The following SEMA5A variants were observed in gnomAD, a reference collection of about 807,000 sequenced individuals.
The protein encoded by SEMA5A is semaphorin 5A.
SEMA5A carries 55 observed loss-of-function variants against 135.5 expected under a neutral mutation model. The observed-to-expected ratio is 0.41, with a 90% CI of 0.33 to 0.51. The LOEUF (loss-of-function observed/expected upper bound fraction) is 0.51. Ranked by LOEUF, SEMA5A falls within the 20% of genes least tolerant of loss-of-function variation. SEMA5A has a pLI of 0.37. For missense variants in SEMA5A, 1,290 were observed against 1,419.9 expected (o/e 0.91, Z 1.47); for synonymous variants, 580 against 546.5 (o/e 1.06, Z -0.85).
intron 8 of SEMA5A, among the ~76,000 whole-genome samples, chr5:9,215,612 C>T (rs1746575866): frequency 6.6e-6 from 1 of 152,142 alleles, no homozygotes; most frequent in Non-Finnish European, 1.5e-5. Context: ...TTTCTCCCCT[C>T]AAGGACTTGG....
chr5:9,384,050 T>A (rs1011740042), intron 2 of SEMA5A, among the ~76,000 whole-genome samples: 17 of 152,218 alleles, frequency 1.1e-4, no homozygotes, highest in African/African-American at 3.6e-4. Flanking sequence ...TTGAGGTTTA[T>A]AATTTTCAGA....
chr5:9,275,733 C>T (rs894542682), intron 5 of SEMA5A, among the ~76,000 whole-genome samples: 1 of 152,156 alleles, frequency 6.6e-6, no homozygotes, highest in African/African-American at 2.4e-5. Flanking sequence ...TGAGAAAAAA[C>T]ACATGATTAT....
chr5:9,205,532 G>A (rs1225120466), intron 8 of SEMA5A, among the ~76,000 whole-genome samples: 1 of 152,066 alleles, frequency 6.6e-6, no homozygotes, highest in Admixed American at 6.5e-5. Context: ...GGAGAAGACT[G>A]AGCAATGGCA....
intron 5 of SEMA5A, among the ~76,000 whole-genome samples, chr5:9,271,717 C>G (rs2150541451): frequency 6.6e-6 from 1 of 152,220 alleles, no homozygotes; most frequent in East Asian, 1.9e-4. Flanking sequence ...GGGTGCAACC[C>G]AAGGAGGGCA....
intron 1 of SEMA5A, among the ~76,000 whole-genome samples, chr5:9,543,495 A>G (rs1738205377): frequency 6.6e-6 from 1 of 152,186 alleles, no homozygotes; most frequent in African/African-American, 2.4e-5. Context: ...AAGCTTTACC[A>G]CCCAGGAGGC....
At chr5:9,377,542 A>G (rs914730499) in intron 3 of SEMA5A, among the ~76,000 whole-genome samples, 2 of 152,116 alleles carry the variant, frequency 1.3e-5, no homozygotes, top group African/African-American at 4.8e-5. Flanking sequence ...GCGAGGACAA[A>G]AAAAAAAGAG....
chr5:9,282,684 G>C (rs1047436463), intron 5 of SEMA5A, among the ~76,000 whole-genome samples: 14 of 152,070 alleles, frequency 9.2e-5, no homozygotes, highest in Non-Finnish European at 1.5e-4. Context: ...CGGATAAAGG[G>C]ACCCCCAAAC....
At position 9,235,980 on chromosome 5, in the gene SEMA5A, G is replaced by A. The variant is rs556969611; in HGVS notation, c.333+1848C>T. ...AGCAAATGAAGGGGAAGCAAGACAC[G>A]TCTTACATGGCAGCAGGCAAGAGAG... On this transcript the variant is annotated intron_variant, in intron 6 of 22. Coordinates refer to ENST00000382496, the MANE Select transcript of SEMA5A (RefSeq NM_003966.3). 5.3e-5 allele frequency among the ~76,000 whole-genome samples: 8 copies of A among 152,242 alleles called. No homozygotes were observed. In the South Asian group the frequency reaches 1.0e-3, roughly 20 times the overall value.
rs146756832 is a variant in SEMA5A, at chr5:9,296,810, C to T, written c.270+21562G>A. On this transcript the variant is annotated intron_variant, in intron 5 of 22. Transcript: ENST00000382496. ...CAATTTTTAAATTTCAGGATTTGTA[C>T]AGGCAGTAGTAACAGGCAGGAAAGG... 3.7e-4 allele frequency among the ~76,000 whole-genome samples: 54 copies of T among 147,772 alleles called. 1 individual carries two copies. The East Asian group carries it at 9.4e-3, about 26-fold the overall frequency.
chr5:9,432,944 T>C (rs1157872408), intron 2 of SEMA5A, among the ~76,000 whole-genome samples: 2 of 152,212 alleles, frequency 1.3e-5, no homozygotes, highest in African/African-American at 2.4e-5. Context: ...AATATAGTCA[T>C]AGGTTATATA....
At chr5:9,237,202 T>C (rs990800815) in intron 6 of SEMA5A, among the ~76,000 whole-genome samples, 3 of 152,178 alleles carry the variant, frequency 2.0e-5, no homozygotes, top group African/African-American at 4.8e-5. Flanking sequence ...AAGTTGATCA[T>C]GAATAATTTT....
intron 17 of SEMA5A, among the ~76,000 whole-genome samples, chr5:9,066,126 A>G: frequency 6.6e-6 from 1 of 152,240 alleles, no homozygotes; most frequent in African/African-American, 2.4e-5. Context: ...CTTCCCCAGT[A>G]CATTTTCTGA....
rs577756646 is a variant in SEMA5A, at chr5:9,066,445, C to G, written c.2275G>C (p.Gly759Arg). ...RIEMRYCSSD[G>R]TSGCSTDGLS... ...CCATCTGTGGAGCAGCCACTGGTGC[C>G]GTCGCTAGAACAGTACCGCATTTCG... Residue 759 changes from glycine to arginine, a missense_variant, in exon 17 of 23, where the codon GGC (glycine) becomes CGC (arginine). Around this residue, in one of 3 missense-constraint regions of SEMA5A, gnomAD observed 1,029 missense variants for 1,086.6 expected, o/e 0.95. Transcript: ENST00000382496. The G allele has an allele frequency of 6.2e-7, 1 of 1,614,198 alleles. No homozygotes were observed. Among genetic ancestry groups the G allele is most frequent in the Non-Finnish European group, 8.5e-7 (1 of 1,180,018 alleles).
intron 15 of SEMA5A, among the ~76,000 whole-genome samples, chr5:9,113,042 G>A (rs1352594193): frequency 6.6e-6 from 1 of 152,160 alleles, no homozygotes; most frequent in Non-Finnish European, 1.5e-5. Flanking sequence ...TGATCTTGGA[G>A]GCAGGTCTTT....
intron 5 of SEMA5A, among the ~76,000 whole-genome samples, chr5:9,239,446 A>C (rs1013072560): frequency 3.9e-5 from 6 of 152,194 alleles, no homozygotes; most frequent in African/African-American, 1.4e-4. Flanking sequence ...ATACAGTTGC[A>C]TAACTATATC....
rs146793499 is a variant in SEMA5A at position 9,533,124 on chromosome 5, A to G, written c.-175+12460T>C. Among the ~76,000 whole-genome samples, 158 of 152,354 alleles carry G rather than the reference A, an allele frequency of 1.0e-3. 1 individual carries two copies. The highest frequency in any genetic ancestry group is 3.6e-3 in the African/African-American group (150 of 41,576). ...GGTTGACAATTGAAAGATGTTGAAC[A>G]CGCCAATTCGTCTGAGCCCATGATA... On this transcript the variant is annotated intron_variant, in intron 1 of 22. Coordinates refer to ENST00000382496, the MANE Select transcript of SEMA5A (RefSeq NM_003966.3).
intron 1 of SEMA5A, among the ~76,000 whole-genome samples, chr5:9,478,537 C>T (rs1474529355): frequency 6.6e-6 from 1 of 152,160 alleles, no homozygotes; most frequent in Non-Finnish European, 1.5e-5. Context: ...CATCAGTGTG[C>T]CCTGGATGTG....
Position 9,204,040 on chromosome 5 carries a change from A to AG in SEMA5A, c.647-1801dup, listed in dbSNP as rs1745873481. On this transcript the variant is annotated intron_variant, in intron 8 of 22. Coordinates refer to ENST00000382496, the MANE Select transcript of SEMA5A (RefSeq NM_003966.3). The surrounding 1 kb of genome is among the most constrained non-coding windows in gnomAD (Gnocchi z 6.4). ...CCAAAACAGAATTACCTGATGAAGCAGGCCCCAAAAGCAAAGATACGGAAC... is the reference window on the plus strand; with the variant it reads ...CCAAAACAGAATTACCTGATGAAGCAGGGCCCCAAAAGCAAAGATACGGAAC... Among the ~76,000 whole-genome samples, 2 of 152,174 alleles carry AG rather than the reference A, an allele frequency of 1.3e-5. No individual in the cohort carries two copies. Among genetic ancestry groups the AG allele is most frequent in the Admixed American group, 6.5e-5 (1 of 15,284 alleles).
chr5:9,270,014 G>A (rs1390245158), intron 5 of SEMA5A, among the ~76,000 whole-genome samples: 1 of 152,110 alleles, frequency 6.6e-6, no homozygotes, highest in Non-Finnish European at 1.5e-5. Flanking sequence ...ACAATTCCCT[G>A]TTAAAAACGG....
Sources: allele counts gnomAD v4.1 joint callset (sites outside exome capture counted in the v4.1 genomes callset), GRCh38; gene constraint gnomAD v4.1.1; regional missense constraint gnomAD v4.1.1; non-coding constraint Gnocchi (gnomAD v3.1); transcripts MANE v1.5; gene names NCBI Gene and HGNC (gene_info 2026-07-23, HGNC 2026-07-21).